NTM: variants seen among roughly 807,000 people sequenced by gnomAD.
NTM encodes neurotrimin, also known as IgLON family member 2.
A neutral mutation model predicts 42.1 loss-of-function variants in NTM; 13 were observed. That is an observed-to-expected ratio of 0.31 (90% CI 0.20 to 0.49). The LOEUF is 0.49. Among genes scored for constraint, NTM ranks in the 20% least tolerant of loss-of-function variants. NTM has a pLI of 0.99. For synonymous variants in NTM, 187 were observed against 179.2 expected (o/e 1.04, Z -0.35); for missense variants, 373 against 452.8 (o/e 0.82, Z 1.60).
intron 1 of NTM, among the ~76,000 whole-genome samples, chr11:131,723,846 GAGAA>G (rs2078649947): frequency 6.6e-6 from 1 of 151,994 alleles, no homozygotes; most frequent in East Asian, 1.9e-4. Flanking sequence ...GTGTGTGCAT[GAGAA>G]AGAGAGACAG....
At chr11:131,843,882 G>A (rs972573236) in intron 1 of NTM, among the ~76,000 whole-genome samples, 1 of 150,068 alleles carries the variant, frequency 6.7e-6, no homozygotes, top group Non-Finnish European at 1.5e-5. Context: ...TTGGTTGGTT[G>A]GGATTTTATT....
chr11:132,027,224 T>G (rs2075303061), intron 2 of NTM, among the ~76,000 whole-genome samples: 1 of 152,216 alleles, frequency 6.6e-6, no homozygotes, highest in South Asian at 2.1e-4. Flanking sequence ...AAATTTCAAG[T>G]TTCTTTGCCT....
intron 2 of NTM, among the ~76,000 whole-genome samples, chr11:131,956,221 G>A: frequency 6.6e-6 from 1 of 152,316 alleles, no homozygotes; most frequent in East Asian, 1.9e-4. Flanking sequence ...GCTCTGGGCA[G>A]TTGCTTCTTT....
chr11:131,938,523 G>A (rs1195559195), intron 2 of NTM, among the ~76,000 whole-genome samples: 2 of 152,216 alleles, frequency 1.3e-5, no homozygotes, highest in Non-Finnish European at 2.9e-5. Flanking sequence ...TTGCTGGCAG[G>A]GTGAAGAGTT....
At chr11:131,597,124 G>A (rs189246833) in intron 1 of NTM, among the ~76,000 whole-genome samples, 1 of 152,188 alleles carries the variant, frequency 6.6e-6, no homozygotes, top group East Asian at 1.9e-4. Flanking sequence ...AATCTCCTTT[G>A]GCAACGCCCT....
Position 132,177,466 on chromosome 11 carries a change from A to T in NTM, c.400+30952A>T, listed in dbSNP as rs372289686. ...CATTGTTTTCCACTTATTTTGCCAC[A>T]AAGTGGAATAGGGGACACAAGTGGA... On this transcript the variant is annotated intron_variant, in intron 3 of 8. Coordinates refer to ENST00000683400, the MANE Select transcript of NTM (RefSeq NM_001352005.2). Among the ~76,000 whole-genome samples, 22 of 152,358 alleles carry T rather than the reference A, an allele frequency of 1.4e-4. 1 individual carries two copies. The highest frequency in any genetic ancestry group is 5.1e-4 in the African/African-American group (21 of 41,578).
intron 1 of NTM, among the ~76,000 whole-genome samples, chr11:131,523,929 T>A (rs1402048260): frequency 6.6e-6 from 1 of 151,920 alleles, no homozygotes; most frequent in South Asian, 2.1e-4. Flanking sequence ...CTGAACAGGG[T>A]AGCATAGCTG....
At chr11:131,440,310 A>G (rs1435961758) in intron 1 of NTM, among the ~76,000 whole-genome samples, 2 of 152,264 alleles carry the variant, frequency 1.3e-5, no homozygotes, top group African/African-American at 4.8e-5. Flanking sequence ...AGCTCTACAC[A>G]TAAGTTTGTT....
chr11:132,275,084 A>G (rs1356291184), intron 4 of NTM, among the ~76,000 whole-genome samples: 3 of 152,072 alleles, frequency 2.0e-5, no homozygotes, highest in Admixed American at 2.0e-4. Context: ...ACTTATATAT[A>G]GTTTTATGGC....
At chr11:131,431,935 T>A (rs1160646264) in intron 1 of NTM, among the ~76,000 whole-genome samples, 1 of 152,104 alleles carries the variant, frequency 6.6e-6, no homozygotes, top group East Asian at 1.9e-4. Flanking sequence ...CTTCCCTGTT[T>A]GGAGTGGTAG....
intron 2 of NTM, among the ~76,000 whole-genome samples, chr11:132,103,094 T>A (rs1475488668): frequency 6.6e-6 from 1 of 152,194 alleles, no homozygotes; most frequent in Admixed American, 6.5e-5. Flanking sequence ...ATCCCTACCA[T>A]GCCTATTGTG....
chr11:131,829,196 A>G (rs1291223595), intron 1 of NTM, among the ~76,000 whole-genome samples: 2 of 152,160 alleles, frequency 1.3e-5, no homozygotes, highest in East Asian at 3.9e-4. Flanking sequence ...AATGATTACA[A>G]ATTTTGCTTT....
chr11:131,414,717 G>T (rs1166068644), intron 1 of NTM, among the ~76,000 whole-genome samples: 1 of 152,126 alleles, frequency 6.6e-6, no homozygotes, highest in East Asian at 1.9e-4. Context: ...ATCCTTAATT[G>T]GTTCCTCATT....
intron 1 of NTM, chr11:131,794,415 T>C: frequency 1.1e-6 from 1 of 895,828 alleles, no homozygotes; most frequent in Non-Finnish European, 1.3e-6. Flanking sequence ...ATCTACATGC[T>C]CCGTAGTTTC....
rs148659676 is a variant in NTM at position 131,866,624 on chromosome 11, C to T, written c.83-44940C>T. The stretch of plus-strand genomic sequence containing the variant: ...CTAAAAATACCTGCGCCCTCCATGG[C>T]GCCCAAGACTGCTGACAAAGGAATT... On this transcript the variant is annotated intron_variant, in intron 1 of 8. Transcript: ENST00000683400. Among the ~76,000 whole-genome samples, 4 of 152,360 alleles carry T rather than the reference C, an allele frequency of 2.6e-5. No homozygotes were observed. The East Asian group carries it at 5.8e-4, about 22-fold the overall frequency.
At chr11:131,740,649 C>A (rs1368938021) in intron 1 of NTM, among the ~76,000 whole-genome samples, 2 of 152,042 alleles carry the variant, frequency 1.3e-5, no homozygotes, top group Non-Finnish European at 2.9e-5. Flanking sequence ...TCCTTCTAAT[C>A]CATGAGTCTC....
At chr11:131,813,027 C>T (rs754214282) in intron 1 of NTM, among the ~76,000 whole-genome samples, 5 of 152,310 alleles carry the variant, frequency 3.3e-5, no homozygotes, top group Admixed American at 1.3e-4. Flanking sequence ...CTATCTATGG[C>T]TTTGCCTTTA....
At chr11:131,440,104 A>G (rs1280763714) in intron 1 of NTM, among the ~76,000 whole-genome samples, 1 of 151,392 alleles carries the variant, frequency 6.6e-6, no homozygotes, top group African/African-American at 2.4e-5. Context: ...ATTTTCTGTC[A>G]TTTATATTTT....
At chr11:132,063,483 T>C (rs530775532) in intron 2 of NTM, among the ~76,000 whole-genome samples, 1 of 152,238 alleles carries the variant, frequency 6.6e-6, no homozygotes, top group African/African-American at 2.4e-5. Context: ...CAGAGGGCAA[T>C]ATAGATAAGG....
Sources: allele counts gnomAD v4.1 joint callset (sites outside exome capture counted in the v4.1 genomes callset), GRCh38; gene constraint gnomAD v4.1.1; transcripts MANE v1.5; gene names NCBI Gene and HGNC (gene_info 2026-07-23, HGNC 2026-07-21).